FAM241A: variants seen among roughly 807,000 people sequenced by gnomAD.
FAM241A encodes uncharacterized protein FAM241A.
Under a neutral mutation model 12.2 loss-of-function variants are expected in FAM241A, and 7 were observed. The ratio of observed to expected loss-of-function variants is 0.58; its 90% CI spans 0.33 to 1.08. FAM241A has a LOEUF of 1.08. Ranked by LOEUF, FAM241A falls within the 50% of genes least tolerant of loss-of-function variation. The pLI is 0.04. For synonymous variants in FAM241A, 74 were observed against 68.2 expected (o/e 1.08, Z -0.42); for missense variants, 161 against 169.7 (o/e 0.95, Z 0.29).
Position 112,145,610 on chromosome 4 carries a change from C to G in FAM241A, c.30C>G (p.Gly10=). Residue 10 remains glycine, a synonymous_variant, in exon 1 of 2, where the codon GGC becomes GGG. Transcript: ENST00000309733. MCSAGELLR[G]GDGGERDEDG... ...GCTCAGCCGGGGAGCTGCTGCGGGG[C>G]GGCGACGGCGGGGAACGCGACGAGG... 8.1e-7 allele frequency: 1 copy of G among 1,236,324 alleles called. No homozygotes were observed. Among genetic ancestry groups the G allele is most frequent in the Non-Finnish European group, 1.0e-6 (1 of 989,064 alleles). 76.6% of individuals were successfully genotyped at this position (1,236,324 alleles called of 1,614,324 possible).
chr4:112,164,012 G>A (rs1359634010), intron 1 of FAM241A, among the ~76,000 whole-genome samples: 2 of 152,024 alleles, frequency 1.3e-5, no homozygotes, highest in Admixed American at 6.6e-5. Context: ...ACTGTTGCAA[G>A]GACAGAAAAC....
rs1483185363 is a variant in FAM241A at position 112,186,781 on chromosome 4, A to T, written c.242A>T (p.Asn81Ile). Residue 81 changes from asparagine to isoleucine, a missense_variant, in exon 2 of 2, where the codon AAC (asparagine) becomes ATC (isoleucine). Physicochemically the swap from Asn to Ile is moderately radical, Grantham distance 149 (BLOSUM62 -3). Transcript: ENST00000309733. ...MGTLFGELNK[N>I]LINMGFTRMY... ...ACACTTTTTGGTGAACTGAACAAAA[A>T]CCTTATCAACATGGGCTTCACAAGG... The T allele has an allele frequency of 1.7e-5, 27 of 1,613,958 alleles. No homozygotes were observed. The highest frequency in any genetic ancestry group is 2.2e-5 in the Non-Finnish European group (26 of 1,179,968).
At chr4:112,163,738 T>C (rs1012249293) in intron 1 of FAM241A, among the ~76,000 whole-genome samples, 1 of 152,246 alleles carries the variant, frequency 6.6e-6, no homozygotes, top group African/African-American at 2.4e-5. Context: ...TCAACCATTG[T>C]GGAAGACAGT....
In FAM241A at chr4:112,186,784, T is replaced by A. The variant is rs1206772478; in HGVS notation, c.245T>A (p.Leu82His). 2 of 1,614,008 alleles carry A rather than the reference T, an allele frequency of 1.2e-6. No homozygotes were observed. The highest frequency in any genetic ancestry group is 1.1e-5 in the South Asian group (1 of 91,082). ...CTTTTTGGTGAACTGAACAAAAACC[T>A]TATCAACATGGGCTTCACAAGGATG... ...GTLFGELNKN[L>H]INMGFTRMYF... is the part of the protein sequence containing the mutation. Residue 82 changes from leucine to histidine, a missense_variant, in exon 2 of 2, where the codon CTT becomes CAT. Physicochemically the swap from Leu to His is moderately conservative, Grantham distance 99. Transcript: ENST00000309733.
chr4:112,150,663 G>T (rs1400920215), intron 1 of FAM241A, among the ~76,000 whole-genome samples: 1 of 151,190 alleles, frequency 6.6e-6, no homozygotes, highest in Non-Finnish European at 1.5e-5. Context: ...AGTGAGGGGG[G>T]TCCATGCCTT....
intron 1 of FAM241A, among the ~76,000 whole-genome samples, chr4:112,169,531 A>G (rs193020711): frequency 1.9e-4 from 29 of 152,352 alleles, no homozygotes; most frequent in Admixed American, 4.6e-4. Flanking sequence ...GATCCAAAAC[A>G]ATCCTCAGGA....
chr4:112,185,073 T>TATA (rs1355454581), intron 1 of FAM241A, among the ~76,000 whole-genome samples: 6 of 152,158 alleles, frequency 3.9e-5, no homozygotes, highest in Non-Finnish European at 1.5e-5. Context: ...TGTGAAGCCC[T>TATA]ATATCTAAAG....
chr4:112,157,010 T>C (rs755990024), intron 1 of FAM241A, among the ~76,000 whole-genome samples: 1 of 152,116 alleles, frequency 6.6e-6, no homozygotes, highest in African/African-American at 2.4e-5. Context: ...AGTAGAAAGA[T>C]AGTGAATAAA....
At position 112,170,254 on chromosome 4, in the gene FAM241A, T is replaced by C. The variant is rs192162965; in HGVS notation, c.154-16439T>C. Among the ~76,000 whole-genome samples, 4 of 152,218 alleles carry C rather than the reference T, an allele frequency of 2.6e-5. No homozygotes were observed. In the East Asian group the frequency reaches 7.7e-4, roughly 29 times the overall value. On this transcript the variant is annotated intron_variant, in intron 1 of 1. Transcript: ENST00000309733. ...TTTAGTTATTAAGCACATACAGTAG[T>C]CCCCCCTTATCCACAGGGGATACAT...
chr4:112,171,407 T>A, intron 1 of FAM241A: 2 of 769,094 alleles, frequency 2.6e-6, no homozygotes, highest in South Asian at 1.3e-5. Flanking sequence ...ACAAAGATGA[T>A]TGTGCTAAGG....
intron 1 of FAM241A, among the ~76,000 whole-genome samples, chr4:112,157,878 T>G (rs1723385336): frequency 1.3e-5 from 2 of 152,126 alleles, no homozygotes; most frequent in African/African-American, 4.8e-5. Context: ...TGGTCATTGG[T>G]TCAGAGACAA....
chr4:112,148,748 G>GT (rs1723188603), intron 1 of FAM241A, among the ~76,000 whole-genome samples: 2 of 152,222 alleles, frequency 1.3e-5, no homozygotes, highest in East Asian at 3.8e-4. Context: ...ATCCAAGTAT[G>GT]TTCATGAGGG....
At chr4:112,159,269 A>G (rs925644645) in intron 1 of FAM241A, among the ~76,000 whole-genome samples, 11 of 152,290 alleles carry the variant, frequency 7.2e-5, no homozygotes, top group Admixed American at 2.0e-4. Context: ...TCTTTCTTCA[A>G]TCTAGATTCT....
intron 1 of FAM241A, among the ~76,000 whole-genome samples, chr4:112,162,423 T>G (rs892382101): frequency 6.6e-6 from 1 of 152,104 alleles, no homozygotes; most frequent in African/African-American, 2.4e-5. Context: ...ATCGTCTCAG[T>G]CCAAAATCTC....
In FAM241A at chr4:112,157,983, A is replaced by G. The variant is rs545614058; in HGVS notation, c.153+12250A>G. On this transcript the variant is annotated intron_variant, in intron 1 of 1. Coordinates refer to ENST00000309733, the MANE Select transcript of FAM241A (RefSeq NM_152400.3). Reference sequence around the variant, plus strand: ...GGCAAGAACGAAGTGATTTTTTTCCATAGGGAATTAACTAATTAGCATGCC... The same window carrying G: ...GGCAAGAACGAAGTGATTTTTTTCCGTAGGGAATTAACTAATTAGCATGCC... Among the ~76,000 whole-genome samples the G allele has an allele frequency of 7.9e-5, 12 of 152,238 alleles. No homozygotes were observed. The East Asian group carries it at 1.7e-3, about 22-fold the overall frequency.
At chr4:112,171,376 C>G (rs540388587) in intron 1 of FAM241A, 1 of 763,808 alleles carries the variant, frequency 1.3e-6, no homozygotes, top group African/African-American at 1.7e-5. Context: ...CAAGCTAAGC[C>G]AATTTTCTGG....
At chr4:112,168,818 C>G (rs1391975673) in intron 1 of FAM241A, among the ~76,000 whole-genome samples, 1 of 152,070 alleles carries the variant, frequency 6.6e-6, no homozygotes, top group African/African-American at 2.4e-5. Flanking sequence ...GTGTGCACCC[C>G]CACACCCAGC....
chr4:112,145,826 C>A, intron 1 of FAM241A, 93 bp downstream of exon 1: 1 of 773,150 alleles, frequency 1.3e-6, no homozygotes, highest in Non-Finnish European at 1.6e-6. Context: ...CCGCGGGCCG[C>A]GCCGCAGCTC....
rs376608999 is a variant in FAM241A at position 112,145,631 on chromosome 4, C to T, written c.51C>T (p.Asp17=). ...GGGGCGGCGACGGCGGGGAACGCGACGAGGACGGGGACGCGCTGGCGGAGC... is the reference window on the plus strand; with the variant it reads ...GGGGCGGCGACGGCGGGGAACGCGATGAGGACGGGGACGCGCTGGCGGAGC... ...LLRGGDGGER[D]EDGDALAERE... The change falls in exon 1 of 2, where the codon GAC becomes GAT. Residue 17 remains aspartate, a synonymous_variant. Transcript: ENST00000309733. 82 of 1,226,262 alleles carry T rather than the reference C, an allele frequency of 6.7e-5. No homozygotes were observed. In the African/African-American group the frequency reaches 9.7e-4, roughly 14 times the overall value. The allele number at this position is 1,226,262 out of a possible 1,614,324, so 76.0% of individuals were successfully genotyped here.
Sources: gnomAD v4.1 joint callset for allele counts (sites outside exome capture counted in the v4.1 genomes callset) on GRCh38, gnomAD v4.1.1 for gene constraint, MANE v1.5 for transcripts, NCBI Gene and HGNC (gene_info 2026-07-23, HGNC 2026-07-21) for gene names.